PABIR3: variants seen among roughly 807,000 people sequenced by gnomAD.
The protein encoded by PABIR3 is PABIR family member 1.
A neutral mutation model predicts 23.1 loss-of-function variants in PABIR3; 20 were observed. The observed-to-expected ratio is 0.86, with a 90% CI of 0.61 to 1.26. The LOEUF (loss-of-function observed/expected upper bound fraction) is 1.26. Ranked by LOEUF, PABIR3 falls within the 50% of genes most tolerant of loss-of-function variation. PABIR3 has a pLI of 0.00. For missense variants in PABIR3, 189 were observed against 195.4 expected, an observed-to-expected ratio of 0.97 and a Z score of 0.20; for synonymous variants, 69 against 68.5, an observed-to-expected ratio of 1.01 and a Z score of -0.04.
rs865946484 is a variant in PABIR3 at position 134,807,570 on chromosome X, G to T, written c.-29G>T. ...TCCTTGTGTGGACGGGAGCCGGAAA[G>T]CCTTGAGAACTTATTCCTCGACCCG... is the stretch of plus-strand genomic sequence containing the variant. On this transcript the variant is annotated 5_prime_UTR_variant, in exon 2 of 11. Transcript: ENST00000645433. 6 of 1,208,025 alleles carry T rather than the reference G, an allele frequency of 5.0e-6. No homozygotes were observed. In the African/African-American group the frequency reaches 1.1e-4, roughly 21 times the overall value.
chrX:134,838,638 CT>C (rs2082056772), intron 4 of PABIR3: 1 of 30,271 alleles, frequency 3.3e-5, no homozygotes, highest in Non-Finnish European at 5.5e-5. Context: ...ATTTTCCTCC[CT>C]CTCCCTCTCC....
upstream of PABIR3, among the ~76,000 whole-genome samples, chrX:134,803,087 GA>G (rs1251328258): frequency 2.7e-5 from 3 of 112,465 alleles, no homozygotes; most frequent in Non-Finnish European, 3.8e-5. Context: ...GGTGGTAAAG[GA>G]ATTGACCAAG....
chrX:134,858,919 A>G (rs1440031583), downstream of PABIR3, among the ~76,000 whole-genome samples: 1 of 112,101 alleles, frequency 8.9e-6, no homozygotes, highest in African/African-American at 3.2e-5. Context: ...AATGCATTAA[A>G]TGAATACAGT....
At chrX:134,814,032 A>G in intron 2 of PABIR3, among the ~76,000 whole-genome samples, 1 of 109,881 alleles carries the variant, frequency 9.1e-6, no homozygotes. Flanking sequence ...AAACATTTTT[A>G]ACACTGTAGG....
intron 2 of PABIR3, among the ~76,000 whole-genome samples, chrX:134,813,662 G>A (rs2080801791): frequency 1.8e-5 from 2 of 111,682 alleles, no homozygotes; most frequent in Non-Finnish European, 3.8e-5. Context: ...GCACCGCTGG[G>A]ATCTGTAGTC....
At chrX:134,850,332 C>G (rs60246038) in intron 9 of PABIR3, among the ~76,000 whole-genome samples, 15,856 of 110,754 alleles carry the variant, frequency 0.14, 1,716 homozygotes, top group African/African-American at 0.38. Context: ...TGTATATTTT[C>G]GATTAATTAA....
intron 3 of PABIR3, among the ~76,000 whole-genome samples, chrX:134,828,047 C>CTCTCTCTCTATATA (rs1466733144): frequency 1.0e-4 from 5 of 49,409 alleles, no homozygotes; most frequent in African/African-American, 4.1e-4. Context: ...CTCTCTCTCT[C>CTCTCTCTCTATATA]TATATATATA....
At chrX:134,814,182 T>G (rs2080837263) in intron 2 of PABIR3, among the ~76,000 whole-genome samples, 1 of 111,089 alleles carries the variant, frequency 9.0e-6, no homozygotes, top group Non-Finnish European at 1.9e-5. Flanking sequence ...TTTAAATCAT[T>G]TACAGGTTTA....
intron 3 of PABIR3, among the ~76,000 whole-genome samples, chrX:134,828,010 G>GCT (rs1167724649): frequency 0.095 from 5,803 of 61,091 alleles, 331 homozygotes; most frequent in Non-Finnish European, 0.12. Context: ...CTAGCTCAGT[G>GCT]CTCTCTCTCT....
intron 1 of PABIR3, among the ~76,000 whole-genome samples, chrX:134,802,069 G>A (rs904456361): frequency 9.6e-6 from 1 of 104,448 alleles, no homozygotes; most frequent in Admixed American, 1.0e-4. Flanking sequence ...CATCTGCTGA[G>A]GGATTCCAGT....
chrX:134,807,367 G>A lies in PABIR3; in HGVS notation c.-60+26G>A. ...GTGGGGGATCTTCTCATCGTTAGAG[G>A]CCCCGATCATGGGAGATAGGCGGTT... On this transcript the variant is annotated intron_variant, in intron 1 of 10. Coordinates refer to ENST00000645433, the MANE Select transcript of PABIR3 (RefSeq NM_001388447.1). 7.2e-6 allele frequency: 7 copies of A among 968,577 alleles called. No homozygotes were observed. The South Asian group carries it at 3.3e-4, about 46-fold the overall frequency. The allele number at this position is 968,577 out of a possible 1,213,427, so 79.8% of individuals were successfully genotyped here.
chrX:134,804,025 C>G, upstream of PABIR3: 1 of 307,995 alleles, frequency 3.2e-6, no homozygotes, highest in South Asian at 5.1e-5. Context: ...AAGGTTACAA[C>G]GTAGCTTCAA....
intron 4 of PABIR3, among the ~76,000 whole-genome samples, chrX:134,841,555 T>C (rs2082233053): frequency 9.0e-6 from 1 of 111,321 alleles, no homozygotes; most frequent in African/African-American, 3.3e-5. Flanking sequence ...TTTGGCTGGG[T>C]GCAGTGGCTC....
chrX:134,852,335 C>T (rs1300709655), intron 9 of PABIR3, among the ~76,000 whole-genome samples: 3 of 110,952 alleles, frequency 2.7e-5, no homozygotes, highest in East Asian at 2.8e-4. Context: ...AATAGCTGGG[C>T]ATGGTGGTTT....
At chrX:134,806,193 T>C (rs2080222671), upstream of PABIR3, among the ~76,000 whole-genome samples, 1 of 112,543 alleles carries the variant, frequency 8.9e-6, no homozygotes, top group Non-Finnish European at 1.9e-5. Flanking sequence ...CTGATTTGCA[T>C]TGATACTAAA....
At chrX:134,860,015 A>G in the PABIR3 span, among the ~76,000 whole-genome samples, 4 of 111,667 alleles carry the variant, frequency 3.6e-5, no homozygotes, top group African/African-American at 1.3e-4. Context: ...AAACTCTATA[A>G]GAGTGGGGTC....
intron 9 of PABIR3, among the ~76,000 whole-genome samples, chrX:134,851,480 G>A (rs2082632644): frequency 9.6e-6 from 1 of 103,897 alleles, no homozygotes; most frequent in African/African-American, 3.5e-5. Context: ...AAGTTGCAGT[G>A]AGCCGAGATC....
intron 2 of PABIR3, among the ~76,000 whole-genome samples, chrX:134,808,389 A>G (rs992186137): frequency 2.0e-5 from 2 of 98,226 alleles, no homozygotes; most frequent in Non-Finnish European, 4.1e-5. Flanking sequence ...TTATTTGTTT[A>G]TTTATTTTTG....
upstream of PABIR3, among the ~76,000 whole-genome samples, chrX:134,802,918 T>G (rs1344466424): frequency 8.9e-6 from 1 of 112,607 alleles, no homozygotes; most frequent in Non-Finnish European, 1.9e-5. Flanking sequence ...CACCAGGACC[T>G]TCTGGTTCCC....
Sources: allele counts gnomAD v4.1 joint callset (sites outside exome capture counted in the v4.1 genomes callset), GRCh38; gene constraint gnomAD v4.1.1; transcripts MANE v1.5; gene names NCBI Gene and HGNC (gene_info 2026-07-23, HGNC 2026-07-21).